CDS2: variants seen among roughly 807,000 people sequenced by gnomAD.
The protein encoded by CDS2 is CDP-diacylglycerol synthase 2, also known as phosphatidate cytidylyltransferase 2.
Under a neutral mutation model 59.0 loss-of-function variants are expected in CDS2, and 47 were observed. The observed-to-expected ratio is 0.80, with a 90% CI of 0.63 to 1.02. The LOEUF (loss-of-function observed/expected upper bound fraction) is 1.02. Ranked by LOEUF, CDS2 falls within the 50% of genes least tolerant of loss-of-function variation. The pLI is 0.00. For missense variants in CDS2, 356 were observed against 558.9 expected (o/e 0.64, Z 3.66); for synonymous variants, 207 against 206.4 (o/e 1.00, Z -0.02).
At chr20:5,169,383 G>T (rs2090938291) in intron 1 of CDS2, among the ~76,000 whole-genome samples, 1 of 152,226 alleles carries the variant, frequency 6.6e-6, no homozygotes. Context: ...CAGGGCTGCT[G>T]CAGGGGCACC....
chr20:5,135,601 G>C (rs964931480), intron 1 of CDS2, among the ~76,000 whole-genome samples: 5 of 152,134 alleles, frequency 3.3e-5, no homozygotes, highest in African/African-American at 7.2e-5. Flanking sequence ...TGGTTACTTG[G>C]CTGGGGTAAT....
At chr20:5,130,420 CAAG>C (rs929555652) in intron 1 of CDS2, among the ~76,000 whole-genome samples, 8 of 152,226 alleles carry the variant, frequency 5.3e-5, no homozygotes, top group Admixed American at 5.2e-4. Flanking sequence ...CATTATGAAA[CAAG>C]AACTTTTTAA....
chr20:5,166,391 A>G (rs2090913992), intron 1 of CDS2, among the ~76,000 whole-genome samples: 2 of 151,930 alleles, frequency 1.3e-5, no homozygotes, highest in South Asian at 4.2e-4. Flanking sequence ...AGAGATGATG[A>G]GCTTGGTTTT....
chr20:5,178,969 C>T lies in CDS2; in HGVS notation c.529+13C>T. ...CTCTATCTAATAGGTATGCATTAAG[C>T]AGTTCACCATTTCTTGTGTCTGTAT... On this transcript the variant is annotated intron_variant, in intron 5 of 12. Transcript: ENST00000460006. 6.2e-7 allele frequency: 1 copy of T among 1,612,178 alleles called. No individual in the cohort carries two copies. The highest frequency in any genetic ancestry group is 1.7e-5 in the Admixed American group (1 of 60,000).
chr20:5,156,626 C>A (rs1197716669), intron 1 of CDS2, among the ~76,000 whole-genome samples: 1 of 152,076 alleles, frequency 6.6e-6, no homozygotes, highest in Non-Finnish European at 1.5e-5. Context: ...ATGCAGGCAG[C>A]CAGTCACATT....
At chr20:5,135,428 G>A (rs1568526999) in intron 1 of CDS2, among the ~76,000 whole-genome samples, 2 of 151,488 alleles carry the variant, frequency 1.3e-5, no homozygotes, top group African/African-American at 2.5e-5. Flanking sequence ...AGAGGCTGTT[G>A]GGGGTGAAAA....
Position 5,184,919 on chromosome 20 carries a change from T to G in CDS2, c.733T>G (p.Phe245Val). 1 of 1,613,942 alleles carries G rather than the reference T, an allele frequency of 6.2e-7. No homozygotes were observed. Among genetic ancestry groups the G allele is most frequent in the Non-Finnish European group, 8.5e-7 (1 of 1,179,824 alleles). Residue 245 changes from phenylalanine to valine, a missense_variant, in exon 8 of 13, where the codon TTC becomes GTC. Physicochemically the swap from Phe to Val is conservative, Grantham distance 50. This residue lies in a region of CDS2 where 87 missense variants were observed against 193.3 expected (regional missense o/e 0.45). Coordinates refer to ENST00000460006, the MANE Select transcript of CDS2 (RefSeq NM_003818.4). The surrounding 1 kb of genome is among the most constrained non-coding windows in gnomAD (Gnocchi z 4.3). ...CATCATGGCCTATATGTTTGGCTTT[T>G]TCTTTGGTCGGACCCCACTCATCAA... ...NDIMAYMFGF[F>V]FGRTPLIKLS...
intron 1 of CDS2, among the ~76,000 whole-genome samples, chr20:5,132,390 G>A (rs1445656578): frequency 3.3e-5 from 5 of 152,102 alleles, no homozygotes; most frequent in African/African-American, 1.2e-4. Flanking sequence ...GAGCCACCGC[G>A]CCCGGCCTCT....
At chr20:5,149,881 A>G (rs2090775151) in intron 1 of CDS2, among the ~76,000 whole-genome samples, 1 of 151,886 alleles carries the variant, frequency 6.6e-6, no homozygotes, top group Non-Finnish European at 1.5e-5. Flanking sequence ...ACGCCTGGCT[A>G]ATTTTTATAT....
chr20:5,196,553 A>G lies in CDS2; in HGVS notation c.*6319A>G, dbSNP rs2091158918. 6.6e-6 allele frequency: 1 copy of G among 152,222 alleles called. No homozygotes were observed. Among genetic ancestry groups the G allele is most frequent in the African/African-American group, 2.4e-5 (1 of 41,448 alleles). The allele number at this position is 152,222 out of a possible 1,614,324, so 9.4% of individuals were successfully genotyped here. A position where few individuals can be genotyped will look rare whatever the true frequency, so the allele number is the denominator to read the frequency against. The stretch of plus-strand genomic sequence containing the variant: ...AGTGAAACTGTGTTTGCCGATAATC[A>G]TCCACATAGCCACCTCTGTCCTCGC... On this transcript the variant is annotated 3_prime_UTR_variant, in exon 13 of 13. Coordinates refer to ENST00000460006, the MANE Select transcript of CDS2 (RefSeq NM_003818.4).
At chr20:5,133,800 C>T (rs933818001) in intron 1 of CDS2, among the ~76,000 whole-genome samples, 6 of 152,228 alleles carry the variant, frequency 3.9e-5, no homozygotes, top group African/African-American at 1.2e-4. Flanking sequence ...GATGGGATTA[C>T]AGGCGTGAGC....
At chr20:5,163,629 T>G (rs1206619015) in intron 1 of CDS2, among the ~76,000 whole-genome samples, 1 of 152,180 alleles carries the variant, frequency 6.6e-6, no homozygotes, top group African/African-American at 2.4e-5. Flanking sequence ...TCACTTTTTG[T>G]TTATTATTTT....
At chr20:5,180,550 G>A (rs569465134) in intron 5 of CDS2, among the ~76,000 whole-genome samples, 2 of 152,080 alleles carry the variant, frequency 1.3e-5, no homozygotes, top group African/African-American at 2.4e-5. Context: ...ACAAGCAGAG[G>A]TCATTCTCAT....
rs2090557606 is a variant in CDS2, at chr20:5,127,031, G to T, written c.-62G>T. The stretch of plus-strand genomic sequence containing the variant: ...GTGGGAGTCCGCGCGTGCCCGCGCC[G>T]AGCTGCCTGCTCCGGCGGCTTCGCT... On this transcript the variant is annotated 5_prime_UTR_variant, in exon 1 of 13. Transcript: ENST00000460006. The T allele has an allele frequency of 2.8e-6, 4 of 1,450,356 alleles. No homozygotes were observed. In the South Asian group the frequency reaches 5.4e-5, roughly 20 times the overall value. The allele number at this position is 1,450,356 out of a possible 1,614,324, so 89.8% of individuals were successfully genotyped here.
At chr20:5,143,163 G>A (rs138218153) in intron 1 of CDS2, among the ~76,000 whole-genome samples, 1 of 152,178 alleles carries the variant, frequency 6.6e-6, no homozygotes, top group East Asian at 1.9e-4. Flanking sequence ...CACTTCAGAT[G>A]ATCAATAAAC....
chr20:5,128,962 T>G (rs1171288949), intron 1 of CDS2, among the ~76,000 whole-genome samples: 1 of 152,190 alleles, frequency 6.6e-6, no homozygotes, highest in African/African-American at 2.4e-5. Context: ...AACATAAAGA[T>G]TCTACCCTCC....
chr20:5,147,515 G>A (rs1299161165), intron 1 of CDS2, among the ~76,000 whole-genome samples: 3 of 151,972 alleles, frequency 2.0e-5, no homozygotes, highest in Admixed American at 2.0e-4. Context: ...TAAATAGAGG[G>A]ATTAATCTGC....
chr20:5,129,301 G>T (rs997760370), intron 1 of CDS2, among the ~76,000 whole-genome samples: 1 of 152,062 alleles, frequency 6.6e-6, no homozygotes, highest in Non-Finnish European at 1.5e-5. Flanking sequence ...TTTTTAGACG[G>T]AGTCTCTCTC....
Position 5,173,587 on chromosome 20 carries a change from C to T in CDS2, c.122C>T (p.Ser41Phe), listed in dbSNP as rs892859277. 1.2e-5 allele frequency: 20 copies of T among 1,614,206 alleles called. No homozygotes were observed. In the African/African-American group the frequency reaches 1.7e-4, roughly 14 times the overall value. Residue 41 changes from serine to phenylalanine, a missense_variant, in exon 2 of 13, where the codon TCC becomes TTC. Physicochemically the swap from Ser to Phe is radical, Grantham distance 155. This residue lies in a region of CDS2 where 107 missense variants were observed against 129.7 expected (regional missense o/e 0.82). Coordinates refer to ENST00000460006, the MANE Select transcript of CDS2 (RefSeq NM_003818.4). The part of the protein sequence containing the change: ...TASDSESRAE[S>F]APLPVSADDT... ...TCGGACAGTGAGAGCCGGGCAGAAT[C>T]CGCACCCCTGCCAGTCTCTGCAGAT...
Sources: gnomAD v4.1 joint callset for allele counts (sites outside exome capture counted in the v4.1 genomes callset) on GRCh38, gnomAD v4.1.1 for gene constraint, gnomAD v4.1.1 regional missense constraint, Gnocchi (gnomAD v3.1) non-coding constraint, MANE v1.5 for transcripts, NCBI Gene and HGNC (gene_info 2026-07-23, HGNC 2026-07-21) for gene names.